The following SUSD6 variants were observed in gnomAD, a reference collection of about 807,000 sequenced individuals.
The protein encoded by SUSD6 is sushi domain-containing protein 6.
A neutral mutation model predicts 28.4 loss-of-function variants in SUSD6; 16 were observed. The observed-to-expected ratio is 0.56, with a 90% confidence interval of 0.38 to 0.86. SUSD6 has a LOEUF of 0.86. SUSD6 is among the 40% of genes least tolerant of loss of function. The pLI is 0.00. For synonymous variants in SUSD6, 147 were observed against 159.6 expected, an observed-to-expected ratio of 0.92 and a Z score of 0.59; for missense variants, 341 against 384.2, an observed-to-expected ratio of 0.89 and a Z score of 0.94.
At position 69,711,203 on chromosome 14, in the gene SUSD6, T is replaced by C; in HGVS notation, c.*224T>C. ...CAGCTGGAGGAGCTGGCTCTTTGCC[T>C]GGCCCCGCCTTCCCATCTGTCAGAG... On this transcript the variant is annotated 3_prime_UTR_variant, in exon 6 of 6. Coordinates refer to ENST00000342745, the MANE Select transcript of SUSD6 (RefSeq NM_014734.4). 1.7e-6 allele frequency: 1 copy of C among 582,256 alleles called. No homozygotes were observed. 36.1% of individuals were successfully genotyped at this position (582,256 alleles called of 1,614,324 possible).
chr14:69,687,754 A>C (rs930705240), intron 2 of SUSD6, among the ~76,000 whole-genome samples: 1 of 152,242 alleles, frequency 6.6e-6, no homozygotes, highest in Non-Finnish European at 1.5e-5. Context: ...TGGAGTTGAT[A>C]AGCATACAGT....
chr14:69,636,505 T>C (rs1297655733), intron 1 of SUSD6, among the ~76,000 whole-genome samples: 1 of 152,242 alleles, frequency 6.6e-6, no homozygotes, highest in African/African-American at 2.4e-5. Context: ...CGCCTCCTCT[T>C]TCTGTGTTGG....
chr14:69,653,435 C>T (rs2139610717), intron 1 of SUSD6, among the ~76,000 whole-genome samples: 1 of 152,180 alleles, frequency 6.6e-6, no homozygotes, highest in East Asian at 1.9e-4. Flanking sequence ...GAGCCTTTTT[C>T]AGATGTGGAA....
intron 2 of SUSD6, among the ~76,000 whole-genome samples, chr14:69,668,619 G>A (rs1885780220): frequency 2.9e-5 from 4 of 136,634 alleles, no homozygotes; most frequent in Admixed American, 2.4e-4. Context: ...TGGGCAATAA[G>A]AGCAAGAATT....
intron 2 of SUSD6, among the ~76,000 whole-genome samples, chr14:69,663,196 A>G (rs963559361): frequency 1.3e-5 from 2 of 152,364 alleles, no homozygotes; most frequent in African/African-American, 4.8e-5. Context: ...ACTCATAAAA[A>G]GTTTTTGTTT....
At chr14:69,644,860 T>A (rs1885404359) in intron 1 of SUSD6, among the ~76,000 whole-genome samples, 1 of 152,130 alleles carries the variant, frequency 6.6e-6, no homozygotes, top group Non-Finnish European at 1.5e-5. Flanking sequence ...GAACTGGAAG[T>A]ATGACTGGAG....
At chr14:69,668,505 C>T (rs1885778936) in intron 2 of SUSD6, among the ~76,000 whole-genome samples, 1 of 151,790 alleles carries the variant, frequency 6.6e-6, no homozygotes, top group Non-Finnish European at 1.5e-5. Flanking sequence ...CGTGGTGATG[C>T]ACACCTGTAA....
chr14:69,644,140 T>G (rs977237281), intron 1 of SUSD6, among the ~76,000 whole-genome samples: 51 of 152,184 alleles, frequency 3.4e-4, no homozygotes, highest in Non-Finnish European at 7.2e-4. Context: ...GGCGTATGCT[T>G]CCTTTACCTC....
chr14:69,708,795 G>C lies in SUSD6; in HGVS notation c.577G>C (p.Asp193His). 2 of 1,614,222 alleles carry C rather than the reference G, an allele frequency of 1.2e-6. No individual in the cohort carries two copies. Among genetic ancestry groups the C allele is most frequent in the Non-Finnish European group, 1.7e-6 (2 of 1,180,042 alleles). The stretch of plus-strand genomic sequence containing the variant: ...TTCTGGTCACTGTGTGCCACCTGCT[G>C]ACCCCAGAGTACAGATTGTGCTGTC... Reference protein sequence around the residue: ...GSSGHCVPPADPRVQIVLSEG... With the variant: ...GSSGHCVPPAHPRVQIVLSEG... Residue 193 changes from aspartate (D) to histidine (H), a missense_variant, in exon 5 of 6, where the codon GAC becomes CAC. Coordinates refer to ENST00000342745, the MANE Select transcript of SUSD6 (RefSeq NM_014734.4).
At chr14:69,631,742 A>C (rs774454075) in intron 1 of SUSD6, among the ~76,000 whole-genome samples, 4 of 152,214 alleles carry the variant, frequency 2.6e-5, no homozygotes, top group Non-Finnish European at 5.9e-5. Flanking sequence ...GTCCCCATTG[A>C]CACAGCCCCA....
intron 2 of SUSD6, among the ~76,000 whole-genome samples, chr14:69,688,885 G>T (rs983127465): frequency 6.6e-6 from 1 of 152,174 alleles, no homozygotes; most frequent in African/African-American, 2.4e-5. Context: ...TCTCATGGAA[G>T]AGGAACCCAA....
chr14:69,689,069 T>C (rs1886116139), intron 2 of SUSD6, among the ~76,000 whole-genome samples: 2 of 152,168 alleles, frequency 1.3e-5, no homozygotes, highest in South Asian at 4.1e-4. Flanking sequence ...TCCCCCACCA[T>C]GTTCTTCCCA....
intron 2 of SUSD6, among the ~76,000 whole-genome samples, chr14:69,699,105 C>G (rs1269688757): frequency 6.6e-6 from 1 of 152,292 alleles, no homozygotes; most frequent in East Asian, 1.9e-4. Context: ...TAGTGTTCTT[C>G]CCAGGCATCA....
chr14:69,639,885 C>G (rs1885323425), intron 1 of SUSD6, among the ~76,000 whole-genome samples: 1 of 151,072 alleles, frequency 6.6e-6, no homozygotes, highest in Non-Finnish European at 1.5e-5. Flanking sequence ...CAAAATTGGT[C>G]CCAGTTAGAA....
Position 69,643,020 on chromosome 14 carries a change from C to G in SUSD6, c.-80-15493C>G, listed in dbSNP as rs141274187. Among the ~76,000 whole-genome samples the G allele has an allele frequency of 5.5e-3, 832 of 151,964 alleles. 10 individuals carry two copies. Among genetic ancestry groups the G allele is most frequent in the African/African-American group, 0.019 (782 of 41,252 alleles). On this transcript the variant is annotated intron_variant, in intron 1 of 5. Transcript: ENST00000342745. ...ACTGAGTGACATTGCTGAACTCTTT[C>G]AGGTTTCTCTGCCCTACCCTATGGT...
intron 1 of SUSD6, among the ~76,000 whole-genome samples, chr14:69,631,119 A>G (rs1380813198): frequency 6.6e-6 from 1 of 152,248 alleles, no homozygotes; most frequent in Non-Finnish European, 1.5e-5. Context: ...AGTGTCACTC[A>G]AAGTATGCTT....
At chr14:69,685,983 C>T (rs1886067379) in intron 2 of SUSD6, among the ~76,000 whole-genome samples, 1 of 152,218 alleles carries the variant, frequency 6.6e-6, no homozygotes. Flanking sequence ...TCCCTCTGTG[C>T]AGCCGCATGT....
At chr14:69,637,569 T>C (rs2139600605) in intron 1 of SUSD6, among the ~76,000 whole-genome samples, 1 of 152,298 alleles carries the variant, frequency 6.6e-6, no homozygotes, top group East Asian at 1.9e-4. Flanking sequence ...CTGGAGAGCC[T>C]TGGATAATGC....
At position 69,713,820 on chromosome 14, in the gene SUSD6, TTTG is replaced by T. The variant is rs1886504561; in HGVS notation, c.*2848_*2850del. On this transcript the variant is annotated 3_prime_UTR_variant, in exon 6 of 6. Transcript: ENST00000342745. The stretch of plus-strand genomic sequence containing the variant: ...AAGAGTTTTTGGGTTTTTTTGTTTG[TTTG>T]TTGTTGGTGTTTGTTTTTTTTTTTT... 6.6e-6 allele frequency: 1 copy of T among 150,938 alleles called. No homozygotes were observed. Among genetic ancestry groups the T allele is most frequent in the South Asian group, 2.1e-4 (1 of 4,774 alleles). The allele number at this position is 150,938 out of a possible 1,614,324, so 9.3% of individuals were successfully genotyped here.
Sources: allele counts gnomAD v4.1 joint callset (sites outside exome capture counted in the v4.1 genomes callset), GRCh38; gene constraint gnomAD v4.1.1; transcripts MANE v1.5; gene names NCBI Gene and HGNC (gene_info 2026-07-23, HGNC 2026-07-21).